ANO3: variants seen among roughly 807,000 people sequenced by gnomAD.
ANO3 encodes the protein anoctamin-3.
In ANO3, 99 loss-of-function variants were observed where a neutral mutation model predicts 144.8. That is an observed-to-expected ratio of 0.68 (90% CI 0.58 to 0.81). ANO3 has a LOEUF of 0.81. Among genes scored for constraint, ANO3 ranks in the 30% least tolerant of loss-of-function variants. ANO3 has a pLI of 0.00. For missense variants in ANO3, 905 were observed against 1,202.2 expected (o/e 0.75, Z 3.66); for synonymous variants, 414 against 392.6 (o/e 1.05, Z -0.64).
At chr11:26,502,196 G>T (rs1028978699) in intron 4 of ANO3, among the ~76,000 whole-genome samples, 1 of 152,082 alleles carries the variant, frequency 6.6e-6, no homozygotes. Flanking sequence ...AAGTAAAATC[G>T]CAATGTAAAT....
At chr11:26,352,775 G>C (rs966054032) in intron 1 of ANO3, among the ~76,000 whole-genome samples, 7 of 152,164 alleles carry the variant, frequency 4.6e-5, no homozygotes, top group Admixed American at 2.0e-4. Flanking sequence ...ATGTATTCTG[G>C]TTGTAATTCT....
chr11:26,205,383 T>C lies in ANO3; in HGVS notation c.154+16053T>C, dbSNP rs139802129. On this transcript the variant is annotated intron_variant, in intron 1 of 27. Coordinates refer to the ANO3 transcript ENST00000672621. ...TATTCCCATTTTACAAATGTGGAAA[T>C]TGATGCAGAGCACATAATCTATCCT... 1.3e-3 allele frequency among the ~76,000 whole-genome samples: 198 copies of C among 152,308 alleles called. 1 individual carries two copies. The highest frequency in any genetic ancestry group is 4.5e-3 in the African/African-American group (187 of 41,568).
At chr11:26,636,038 AAAAAAATAAAAATTAGCCGGGT>A (rs1852947667) in intron 20 of ANO3, among the ~76,000 whole-genome samples, 1 of 152,088 alleles carries the variant, frequency 6.6e-6, no homozygotes, top group South Asian at 2.1e-4. Context: ...TCTTTATTTA[AAAAAAATAAAAATTAGCCGGGT>A]GTGGTGGCAC....
In ANO3 at chr11:26,350,296, A is replaced by G. The variant is rs187366047; in HGVS notation, c.46+17975A>G. 1.1e-3 allele frequency among the ~76,000 whole-genome samples: 175 copies of G among 152,258 alleles called. 1 individual carries two copies. The South Asian group carries it at 0.017, about 15-fold the overall frequency. On this transcript the variant is annotated intron_variant, in intron 1 of 26. Transcript: ENST00000256737. ...GTAGTGTGGTGGGCCCCGCACAAGT[A>G]TGGGCTTGCTGGGCTGGGACCTATT...
intron 1 of ANO3, among the ~76,000 whole-genome samples, chr11:26,315,023 G>A (rs191362463): frequency 6.6e-6 from 1 of 151,804 alleles, no homozygotes; most frequent in Admixed American, 6.6e-5. Context: ...AGTTTTATGA[G>A]TAAATATTAT....
intron 1 of ANO3, among the ~76,000 whole-genome samples, chr11:26,278,481 A>G (rs11827874): frequency 3.3e-5 from 5 of 152,072 alleles, no homozygotes; most frequent in African/African-American, 1.2e-4. Context: ...TAAATTTTTT[A>G]TGGAGTGCAG....
At chr11:26,574,251 C>G (rs1850931221) in intron 14 of ANO3, among the ~76,000 whole-genome samples, 1 of 152,198 alleles carries the variant, frequency 6.6e-6, no homozygotes, top group Admixed American at 6.5e-5. Flanking sequence ...GAACCACTCA[C>G]AAGTGGAGTT....
upstream of ANO3, among the ~76,000 whole-genome samples, chr11:26,328,360 G>T (rs1854943705): frequency 1.3e-5 from 2 of 152,266 alleles, no homozygotes; most frequent in South Asian, 2.1e-4. Flanking sequence ...TATACGGAGA[G>T]AAACTAGAAG....
chr11:26,606,260 G>A (rs1207698850), intron 17 of ANO3, among the ~76,000 whole-genome samples: 2 of 152,132 alleles, frequency 1.3e-5, no homozygotes, highest in East Asian at 3.9e-4. Flanking sequence ...CTAATCCTGA[G>A]CTCTAATTTG....
chr11:26,469,013 G>A (rs1488804785), intron 4 of ANO3, among the ~76,000 whole-genome samples: 2 of 151,834 alleles, frequency 1.3e-5, no homozygotes, highest in African/African-American at 4.8e-5. Flanking sequence ...GTTTTTAAAT[G>A]TCTCTTCTTA....
At chr11:26,217,153 A>AT (rs1234952797) in intron 1 of ANO3, among the ~76,000 whole-genome samples, 1 of 151,690 alleles carries the variant, frequency 6.6e-6, no homozygotes, top group Non-Finnish European at 1.5e-5. Context: ...GATCATATGG[A>AT]TTTTCTCCTA....
chr11:26,239,207 G>C (rs900113247), intron 1 of ANO3, among the ~76,000 whole-genome samples: 1 of 151,608 alleles, frequency 6.6e-6, no homozygotes, highest in Non-Finnish European at 1.5e-5. Context: ...TGCTTCTTTA[G>C]GCAGAAAAAT....
At chr11:26,432,078 GAC>G (rs1414588249) in intron 1 of ANO3, among the ~76,000 whole-genome samples, 1 of 151,928 alleles carries the variant, frequency 6.6e-6, no homozygotes, top group Non-Finnish European at 1.5e-5. Flanking sequence ...GTTATTTTTT[GAC>G]ATTTTTAATA....
At chr11:26,264,699 T>C (rs1853268166) in intron 1 of ANO3, among the ~76,000 whole-genome samples, 1 of 152,162 alleles carries the variant, frequency 6.6e-6, no homozygotes, top group Non-Finnish European at 1.5e-5. Context: ...TAGTTTCTTA[T>C]GAGGCCTTTC....
chr11:26,230,797 CAAAAAAAAAAAAAAAAAAAA>C (rs1168180646), intron 1 of ANO3, among the ~76,000 whole-genome samples: 751 of 11,272 alleles, frequency 0.067, 9 homozygotes, highest in African/African-American at 0.13. Context: ...ACTCCATCTC[CAAAAAAAAAAAAAAAAAAAA>C]AAAAAAAAAA....
intron 1 of ANO3, among the ~76,000 whole-genome samples, chr11:26,384,262 C>T (rs12290092): frequency 0.27 from 40,566 of 151,812 alleles, 6,088 homozygotes; most frequent in African/African-American, 0.41. Flanking sequence ...TGTATATGTA[C>T]AAATTATAAA....
At chr11:26,643,627 TGCCTGTA>T (rs1408965093) in intron 23 of ANO3, among the ~76,000 whole-genome samples, 1 of 151,846 alleles carries the variant, frequency 6.6e-6, no homozygotes, top group African/African-American at 2.4e-5. Flanking sequence ...TGGTGGTGGG[TGCCTGTA>T]ATCCCAGCTA....
intron 1 of ANO3, among the ~76,000 whole-genome samples, chr11:26,353,312 G>A (rs778198565): frequency 6.6e-6 from 1 of 152,174 alleles, no homozygotes; most frequent in Non-Finnish European, 1.5e-5. Context: ...GATACGTTTG[G>A]TCCAGTTGGT....
intron 17 of ANO3, among the ~76,000 whole-genome samples, chr11:26,612,664 A>G (rs950210461): frequency 3.5e-4 from 53 of 151,954 alleles, no homozygotes; most frequent in African/African-American, 1.2e-3. Context: ...TTTCTTTAGC[A>G]TTTCTTGTAA....
Sources: allele counts gnomAD v4.1 joint callset (sites outside exome capture counted in the v4.1 genomes callset), GRCh38; gene constraint gnomAD v4.1.1; transcripts MANE v1.5; gene names NCBI Gene and HGNC (gene_info 2026-07-23, HGNC 2026-07-21).